The following NDUFAF2 variants were observed in gnomAD, a reference collection of about 807,000 sequenced individuals.
NDUFAF2 encodes NADH:ubiquinone oxidoreductase complex assembly factor 2.
A neutral mutation model predicts 22.8 loss-of-function variants in NDUFAF2; 13 were observed. That is an observed-to-expected ratio of 0.57 (90% CI 0.37 to 0.91). The LOEUF is 0.91. Among genes scored for constraint, NDUFAF2 ranks in the 40% least tolerant of loss-of-function variants. The pLI is 0.01. For missense variants in NDUFAF2, 162 were observed against 195.2 expected (o/e 0.83, Z 1.01); for synonymous variants, 53 against 64.2 (o/e 0.83, Z 0.84).
At chr5:61,035,639 A>G (rs1751791410) in intron 1 of NDUFAF2, among the ~76,000 whole-genome samples, 1 of 151,928 alleles carries the variant, frequency 6.6e-6, no homozygotes, top group Admixed American at 6.6e-5. Flanking sequence ...AGGACAAGAC[A>G]CAAATCTGTG....
intron 1 of NDUFAF2, among the ~76,000 whole-genome samples, chr5:61,013,837 G>A (rs1751472561): frequency 1.3e-5 from 2 of 152,158 alleles, no homozygotes; most frequent in Admixed American, 6.5e-5. Context: ...AAATTCCTGA[G>A]AAGTAATTTA....
intron 1 of NDUFAF2, among the ~76,000 whole-genome samples, chr5:60,958,403 CA>C (rs1195083031): frequency 8.5e-5 from 13 of 152,154 alleles, no homozygotes; most frequent in African/African-American, 1.4e-4. Flanking sequence ...ATTGAAAACA[CA>C]TTTTTTTCAT....
chr5:61,068,195 G>A (rs1289172450), intron 1 of NDUFAF2, among the ~76,000 whole-genome samples: 1 of 151,908 alleles, frequency 6.6e-6, no homozygotes, highest in East Asian at 1.9e-4. Flanking sequence ...CCTTTGTATA[G>A]CATATCTGAT....
chr5:61,081,869 A>G (rs1418268946), intron 2 of NDUFAF2, among the ~76,000 whole-genome samples: 1 of 152,268 alleles, frequency 6.6e-6, no homozygotes, highest in African/African-American at 2.4e-5. Flanking sequence ...GCAATCTGGC[A>G]AGGAACTAAA....
chr5:61,130,139 A>G (rs975053108), intron 3 of NDUFAF2, among the ~76,000 whole-genome samples: 1 of 152,142 alleles, frequency 6.6e-6, no homozygotes, highest in South Asian at 2.1e-4. Context: ...TGGTAAGACA[A>G]ACTTTTAGTT....
chr5:61,090,151 G>C (rs541310585), intron 2 of NDUFAF2, among the ~76,000 whole-genome samples: 1 of 152,096 alleles, frequency 6.6e-6, no homozygotes, highest in South Asian at 2.1e-4. Flanking sequence ...TAATATGAAA[G>C]TGTTTTTGCA....
chr5:60,993,511 G>A (rs1287692279), intron 1 of NDUFAF2, among the ~76,000 whole-genome samples: 1 of 152,208 alleles, frequency 6.6e-6, no homozygotes, highest in Non-Finnish European at 1.5e-5. Context: ...AGGTGAAGAG[G>A]AGCATCACTG....
At chr5:60,960,751 A>AT (rs1381623477) in intron 1 of NDUFAF2, among the ~76,000 whole-genome samples, 1 of 152,024 alleles carries the variant, frequency 6.6e-6, no homozygotes, top group Non-Finnish European at 1.5e-5. Context: ...TAGGTTTGTT[A>AT]TTTTTACACT....
At chr5:61,137,054 G>A (rs1266690470) in intron 3 of NDUFAF2, among the ~76,000 whole-genome samples, 3 of 152,184 alleles carry the variant, frequency 2.0e-5, no homozygotes, top group Non-Finnish European at 1.5e-5. Context: ...TACCAATGCC[G>A]TTTTTATTAT....
intron 2 of NDUFAF2, among the ~76,000 whole-genome samples, chr5:61,097,356 A>T (rs570872145): frequency 5.8e-4 from 88 of 151,024 alleles, no homozygotes; most frequent in African/African-American, 2.0e-3. Flanking sequence ...ACTTACATTA[A>T]CCTACAGTTG....
At position 61,152,829 on chromosome 5, in the gene NDUFAF2, A is replaced by C; in HGVS notation, c.384A>C (p.Gln128His). 3 of 1,606,226 alleles carry C rather than the reference A, an allele frequency of 1.9e-6. No homozygotes were observed. The highest frequency in any genetic ancestry group is 2.6e-6 in the Non-Finnish European group (3 of 1,175,714). ...TCCTGCCTCCACCAGTTCAAACTCA[A>C]ATTAAAGGCCATGCCTCTGCTCCAT... Reference protein sequence around the residue: ...EELLPPPVQTQIKGHASAPYF... With the variant: ...EELLPPPVQTHIKGHASAPYF... The change falls in exon 4 of 4, where the codon CAA becomes CAC. Residue 128 changes from glutamine to histidine, a missense_variant. Around this residue, in one of 2 missense-constraint regions of NDUFAF2, gnomAD observed 68 missense variants for 110.0 expected, o/e 0.62. Transcript: ENST00000296597.
intron 1 of NDUFAF2, among the ~76,000 whole-genome samples, chr5:61,015,254 T>C (rs1175111221): frequency 1.3e-5 from 2 of 152,170 alleles, no homozygotes; most frequent in East Asian, 1.9e-4. Flanking sequence ...TTAAAAATGT[T>C]ACTAAATATA....
intron 1 of NDUFAF2, among the ~76,000 whole-genome samples, chr5:61,022,929 A>G (rs1312168931): frequency 2.0e-5 from 3 of 152,142 alleles, no homozygotes; most frequent in Non-Finnish European, 2.9e-5. Flanking sequence ...ACCGGCGTGA[A>G]CCACCATGCC....
At chr5:61,009,870 T>TA (rs1423900608) in intron 1 of NDUFAF2, among the ~76,000 whole-genome samples, 2 of 151,974 alleles carry the variant, frequency 1.3e-5, no homozygotes, top group East Asian at 1.9e-4. Flanking sequence ...TCCCTTCCTC[T>TA]AAAAAAACAA....
intron 2 of NDUFAF2, among the ~76,000 whole-genome samples, chr5:61,076,081 T>G (rs943494529): frequency 1.3e-5 from 2 of 152,094 alleles, no homozygotes; most frequent in Admixed American, 6.5e-5. Context: ...GTTTTTTTGT[T>G]TGTTTTTTAA....
At chr5:61,007,904 A>G (rs529516488) in intron 1 of NDUFAF2, among the ~76,000 whole-genome samples, 2 of 152,306 alleles carry the variant, frequency 1.3e-5, no homozygotes, top group East Asian at 1.9e-4. Context: ...AACGAAGCCA[A>G]AGGTCCAACA....
At chr5:61,099,375 T>C (rs1752679969) in intron 3 of NDUFAF2, among the ~76,000 whole-genome samples, 1 of 151,426 alleles carries the variant, frequency 6.6e-6, no homozygotes, top group South Asian at 2.1e-4. Flanking sequence ...TCTGTGCCAA[T>C]ACTCAAGCTT....
At chr5:60,993,354 G>C (rs1180572920) in intron 1 of NDUFAF2, among the ~76,000 whole-genome samples, 1 of 152,236 alleles carries the variant, frequency 6.6e-6, no homozygotes, top group African/African-American at 2.4e-5. Context: ...AAGAGTTGCA[G>C]CTCTTCTGTT....
chr5:61,035,861 A>C (rs556098706), intron 1 of NDUFAF2, among the ~76,000 whole-genome samples: 1 of 152,252 alleles, frequency 6.6e-6, no homozygotes, highest in African/African-American at 2.4e-5. Context: ...AAATAGCAAA[A>C]ATTTTCATAA....
Sources: allele counts gnomAD v4.1 joint callset (sites outside exome capture counted in the v4.1 genomes callset), GRCh38; gene constraint gnomAD v4.1.1; regional missense constraint gnomAD v4.1.1; transcripts MANE v1.5; gene names NCBI Gene and HGNC (gene_info 2026-07-23, HGNC 2026-07-21).